AKAP9: variants seen among roughly 807,000 people sequenced by gnomAD.
AKAP9 encodes A-kinase anchor protein 9.
Under a neutral mutation model 488.5 loss-of-function variants are expected in AKAP9, and 311 were observed. The ratio of observed to expected loss-of-function variants is 0.64; its 90% CI spans 0.58 to 0.70. The LOEUF is 0.70. Ranked by LOEUF, AKAP9 falls within the 30% of genes least tolerant of loss-of-function variation. The pLI is 0.00. For synonymous variants in AKAP9, 1,462 were observed against 1,483.5 expected (o/e 0.99, Z 0.33); for missense variants, 4,215 against 4,374.5 (o/e 0.96, Z 1.03).
intron 30 of AKAP9, among the ~76,000 whole-genome samples, chr7:92,078,238 T>C (rs1812948925): frequency 6.6e-6 from 1 of 152,058 alleles, no homozygotes; most frequent in African/African-American, 2.4e-5. Context: ...TGTCAGGTGA[T>C]CCACCCACCT....
intron 1 of AKAP9, chr7:91,970,527 T>G (rs1407809554): frequency 2.2e-6 from 1 of 455,360 alleles, no homozygotes. Flanking sequence ...TAGTGAATTC[T>G]CTCAGCTTTT....
At position 92,052,803 on chromosome 7, in the gene AKAP9, G is replaced by A; in HGVS notation, c.5446G>A (p.Glu1816Lys). The A allele has an allele frequency of 1.2e-6, 2 of 1,613,856 alleles. No individual in the cohort carries two copies. Among genetic ancestry groups the A allele is most frequent in the South Asian group, 1.1e-5 (1 of 91,076 alleles). ...CATTAACATGTGGTCAAAAGTAACTGAGGAAGGAACAGAGCTGTCACAACG... is the reference window on the plus strand; with the variant it reads ...CATTAACATGTGGTCAAAAGTAACTAAGGAAGGAACAGAGCTGTCACAACG... ...NDINMWSKVT[E>K]EGTELSQRLV... The change falls in exon 22 of 50, where the codon GAG (glutamate) becomes AAG (lysine). Residue 1816 changes from glutamate (E) to lysine (K), a missense_variant. Physicochemically the swap from Glu to Lys is moderately conservative, Grantham distance 56. This residue lies in a region of AKAP9 where 2,361 missense variants were observed against 2,430.0 expected (regional missense o/e 0.97). Transcript: ENST00000356239.
chr7:92,067,022 C>T (rs1157089530), intron 26 of AKAP9, among the ~76,000 whole-genome samples: 5 of 152,192 alleles, frequency 3.3e-5, no homozygotes, highest in Non-Finnish European at 7.3e-5. Context: ...CATTCAGAGG[C>T]ATTTATTGCA....
At chr7:92,101,377 C>A (rs1023337744) in intron 45 of AKAP9, among the ~76,000 whole-genome samples, 1 of 150,936 alleles carries the variant, frequency 6.6e-6, no homozygotes, top group Non-Finnish European at 1.5e-5. Context: ...GCGGAGGTTG[C>A]AGTGAGCCGA....
In AKAP9 at chr7:91,969,051, T is replaced by C. The variant is rs1025161943; in HGVS notation, c.49-4660T>C. 2.2e-4 allele frequency among the ~76,000 whole-genome samples: 33 copies of C among 151,860 alleles called. 1 individual carries two copies. The highest frequency in any genetic ancestry group is 4.7e-4 in the Non-Finnish European group (32 of 67,944). ...CATGCCTAGCCAATGTTTTGAAATT[T>C]TGTAGGTTTGAGACCAACCTGGGCA... is the stretch of plus-strand genomic sequence containing the variant. On this transcript the variant is annotated intron_variant, in intron 1 of 49. Transcript: ENST00000356239.
At chr7:91,948,605 C>CCTT (rs1791773313) in intron 1 of AKAP9, among the ~76,000 whole-genome samples, 17 of 107,562 alleles carry the variant, frequency 1.6e-4, no homozygotes, top group Non-Finnish European at 2.6e-4. Flanking sequence ...TTGTAGATTT[C>CCTT]TTTTTTTTTT....
At chr7:92,099,603 T>C in intron 43 of AKAP9, 84 bp from the exon 44 acceptor site, 3 of 1,277,954 alleles carry the variant, frequency 2.3e-6, no homozygotes, top group Non-Finnish European at 3.4e-6. Context: ...TGAATTCTGT[T>C]GTTCTCGGTG....
intron 8 of AKAP9, among the ~76,000 whole-genome samples, chr7:92,011,774 G>C (rs1224117668): frequency 4.6e-5 from 7 of 152,172 alleles, no homozygotes; most frequent in African/African-American, 1.7e-4. Context: ...AGCCTCTACT[G>C]CATTCTATGC....
chr7:92,045,515 C>T (rs1806824744), intron 21 of AKAP9, among the ~76,000 whole-genome samples: 1 of 152,068 alleles, frequency 6.6e-6, no homozygotes, highest in Non-Finnish European at 1.5e-5. Flanking sequence ...GTACTCTTAC[C>T]AGTATCTGTG....
intron 1 of AKAP9, among the ~76,000 whole-genome samples, chr7:91,953,244 A>G (rs1792496710): frequency 1.3e-5 from 2 of 152,212 alleles, no homozygotes; most frequent in African/African-American, 2.4e-5. Flanking sequence ...TTCTGTTACT[A>G]CTAAGAAAAA....
rs779825493 is a variant in AKAP9 at position 92,065,466 on chromosome 7, A to G, written c.6210+3A>G. On this transcript the variant is annotated splice_donor_region_variant and intron_variant, in intron 25 of 49. Coordinates refer to ENST00000356239, the MANE Select transcript of AKAP9 (RefSeq NM_005751.5). ...AAAAAATGAGAAAATTTTTAGATGT[A>G]AGTATTCTCAAGTTGAATACTGATT... 8.8e-6 allele frequency: 14 copies of G among 1,582,862 alleles called. No individual in the cohort carries two copies. The highest frequency in any genetic ancestry group is 1.7e-4 in the Middle Eastern group (1 of 5,960).
chr7:92,071,009 G>A lies in AKAP9; in HGVS notation c.6612G>A (p.Glu2204=). 2 of 1,602,074 alleles carry A rather than the reference G, an allele frequency of 1.2e-6. No individual in the cohort carries two copies. Among genetic ancestry groups the A allele is most frequent in the Non-Finnish European group, 1.7e-6 (2 of 1,169,130 alleles). Residue 2204 remains glutamate (E), a splice_region_variant and synonymous_variant, in exon 28 of 50, where the codon GAG becomes GAA. Transcript: ENST00000356239. ...ERDAIDRKEK[E]ITNLEEQLEQ... is the part of the protein sequence containing the mutation. ...ATGCCATAGACAGAAAGGAAAAAGA[G>A]GTAAGGAGTTTATTTTTAAATGACA...
chr7:92,076,600 G>A (rs1812625871), intron 28 of AKAP9, among the ~76,000 whole-genome samples: 1 of 152,154 alleles, frequency 6.6e-6, no homozygotes, highest in Non-Finnish European at 1.5e-5. Flanking sequence ...GGTAGGAAAT[G>A]GCTCCTTTTA....
chr7:92,043,545 T>A (rs1806473830), intron 20 of AKAP9, among the ~76,000 whole-genome samples: 1 of 152,212 alleles, frequency 6.6e-6, no homozygotes, highest in African/African-American at 2.4e-5. Context: ...CATATTAATT[T>A]TAATCATTTC....
At chr7:92,059,596 TA>T (rs1809392305) in intron 22 of AKAP9, among the ~76,000 whole-genome samples, 2 of 151,912 alleles carry the variant, frequency 1.3e-5, no homozygotes, top group East Asian at 3.8e-4. Context: ...TATTTTGTTG[TA>T]AATTCTTTGT....
intron 1 of AKAP9, among the ~76,000 whole-genome samples, chr7:91,942,367 C>T (rs1013448511): frequency 6.6e-6 from 1 of 152,158 alleles, no homozygotes; most frequent in Non-Finnish European, 1.5e-5. Context: ...CTATAAGCTC[C>T]CTCTATTTAA....
Position 92,061,412 on chromosome 7 carries a change from T to G in AKAP9, c.5754T>G (p.Ser1918Arg), listed in dbSNP as rs1351635858. 1 of 1,612,522 alleles carries G rather than the reference T, an allele frequency of 6.2e-7. No individual in the cohort carries two copies. Among genetic ancestry groups the G allele is most frequent in the East Asian group, 2.2e-5 (1 of 44,796 alleles). ...GAGAACAGCTAGCTGTGGAGCTCAG[T>G]AAGGCTGAGGGTGAGCAATTTGCCA... ...RAREQLAVELSKAEGVIDGYA... is the reference protein window; with the variant it reads ...RAREQLAVELRKAEGVIDGYA... Residue 1918 changes from serine (S) to arginine (R), a missense_variant, in exon 23 of 50, where the codon AGT becomes AGG. This residue lies in a region of AKAP9 where 2,361 missense variants were observed against 2,430.0 expected (regional missense o/e 0.97). Transcript: ENST00000356239.
Position 92,080,172 on chromosome 7 carries a change from A to G in AKAP9, c.8019+20A>G. The stretch of plus-strand genomic sequence containing the variant: ...CTCAAGGTTAGTTTTGTATTTTATT[A>G]GTTTCATTTAAATACCCCAAGAAAC... On this transcript the variant is annotated intron_variant, in intron 31 of 49. Coordinates refer to ENST00000356239, the MANE Select transcript of AKAP9 (RefSeq NM_005751.5). 1 of 1,527,498 alleles carries G rather than the reference A, an allele frequency of 6.5e-7. No homozygotes were observed. Among genetic ancestry groups the G allele is most frequent in the East Asian group, 2.3e-5 (1 of 42,708 alleles). 94.6% of individuals were successfully genotyped at this position (1,527,498 alleles called of 1,614,324 possible).
chr7:92,107,321 T>C lies in AKAP9; in HGVS notation c.11445T>C (p.His3815=). The change falls in exon 48 of 50, where the codon CAT becomes CAC. Residue 3815 remains histidine (H), a synonymous_variant. Transcript: ENST00000356239. Reference sequence around the variant, plus strand: ...CAGAAAAGACTGACTCATTTTATCATTCTTCTGGTGGGCTGGAGTTATATG... The same window carrying C: ...CAGAAAAGACTGACTCATTTTATCACTCTTCTGGTGGGCTGGAGTTATATG... ...QGAEKTDSFY[H]SSGGLELYGE... is the part of the protein sequence containing the mutation. 7 of 1,613,936 alleles carry C rather than the reference T, an allele frequency of 4.3e-6. No homozygotes were observed. The highest frequency in any genetic ancestry group is 5.1e-6 in the Non-Finnish European group (6 of 1,179,890).
Sources: gnomAD v4.1 joint callset for allele counts (sites outside exome capture counted in the v4.1 genomes callset) on GRCh38, gnomAD v4.1.1 for gene constraint, gnomAD v4.1.1 regional missense constraint, MANE v1.5 for transcripts, NCBI Gene and HGNC (gene_info 2026-07-23, HGNC 2026-07-21) for gene names.